Variants in MAGI2 observed in about 807,000 individuals in gnomAD.
MAGI2 encodes membrane associated guanylate kinase, WW and PDZ domain containing 2.
MAGI2 carries 35 observed loss-of-function variants against 133.3 expected under a neutral mutation model. The ratio of observed to expected loss-of-function variants is 0.26; its 90% CI spans 0.20 to 0.35. MAGI2 has a LOEUF of 0.35. Among genes scored for constraint, MAGI2 ranks in the 10% least tolerant of loss-of-function variants. The probability of loss-of-function intolerance (pLI) is 1.00; values close to 1 mark genes in which losing one functional copy is unlikely to be tolerated. For missense variants in MAGI2, 1,636 were observed against 1,863.4 expected (o/e 0.88, Z 2.25); for synonymous variants, 729 against 710.6 (o/e 1.03, Z -0.41).
chr7:79,433,647 T>C (rs191562195), intron 1 of MAGI2, among the ~76,000 whole-genome samples: 20 of 152,266 alleles, frequency 1.3e-4, no homozygotes, highest in Middle Eastern at 6.8e-3. Flanking sequence ...TAGAACATAG[T>C]AAATGATCAA....
intron 15 of MAGI2, among the ~76,000 whole-genome samples, chr7:78,165,017 T>C (rs529644561): frequency 6.6e-6 from 1 of 152,340 alleles, no homozygotes; most frequent in South Asian, 2.1e-4. Flanking sequence ...GGTGAAAGTG[T>C]GTGCTATGAC....
In MAGI2 at chr7:78,195,012, G is replaced by T. The variant is rs144078604; in HGVS notation, c.2131C>A (p.Pro711Thr). The T allele has an allele frequency of 5.3e-4, 860 of 1,613,798 alleles. 1 individual carries two copies. The highest frequency in any genetic ancestry group is 6.9e-4 in the Non-Finnish European group (812 of 1,179,860). The change falls in exon 12 of 22, where the codon CCG becomes ACG. Residue 711 changes from proline (P) to threonine (T), a missense_variant. By Grantham distance (38) the Pro-to-Thr change is conservative. Coordinates refer to ENST00000354212, the MANE Select transcript of MAGI2 (RefSeq NM_012301.4). ...QGSPQTSLSA[P>T]AIPQNLPFPP... ...AAGGGCAGGTTCTGCGGTATGGCCGGAGCAGATAAACTCGTTTGAGGACTG... is the reference window on the plus strand; with the variant it reads ...AAGGGCAGGTTCTGCGGTATGGCCGTAGCAGATAAACTCGTTTGAGGACTG...
chr7:78,913,601 G>T (rs1302441849), intron 2 of MAGI2, among the ~76,000 whole-genome samples: 1 of 152,116 alleles, frequency 6.6e-6, no homozygotes, highest in Non-Finnish European at 1.5e-5. Flanking sequence ...TAGAGCATCA[G>T]TTCCTTTCCT....
chr7:78,641,498 G>A (rs573677461), intron 2 of MAGI2, among the ~76,000 whole-genome samples: 5 of 152,264 alleles, frequency 3.3e-5, no homozygotes, highest in African/African-American at 9.6e-5. Flanking sequence ...GATTTAACCC[G>A]TAAGAAGTCG....
intron 9 of MAGI2, among the ~76,000 whole-genome samples, chr7:78,281,775 TC>T (rs1360449427): frequency 1.4e-5 from 2 of 144,954 alleles, no homozygotes; most frequent in African/African-American, 4.9e-5. Context: ...CCAACTTATC[TC>T]CATCAAGAGT....
intron 1 of MAGI2, among the ~76,000 whole-genome samples, chr7:79,351,496 A>T (rs1227481485): frequency 6.6e-6 from 1 of 152,178 alleles, no homozygotes; most frequent in East Asian, 1.9e-4. Context: ...TTATGCATGC[A>T]GGAGAAAAGT....
intron 10 of MAGI2, among the ~76,000 whole-genome samples, chr7:78,228,518 C>A (rs990725300): frequency 2.0e-5 from 3 of 152,190 alleles, no homozygotes; most frequent in African/African-American, 7.2e-5. Flanking sequence ...CTTAGAGACC[C>A]ATTTTACAAG....
intron 6 of MAGI2, among the ~76,000 whole-genome samples, chr7:78,421,499 A>G (rs1798792957): frequency 6.6e-6 from 1 of 152,176 alleles, no homozygotes; most frequent in Non-Finnish European, 1.5e-5. Context: ...CGTCACATAT[A>G]AAAAAATAAC....
At chr7:79,256,628 T>G (rs1382226432) in intron 1 of MAGI2, among the ~76,000 whole-genome samples, 2 of 151,628 alleles carry the variant, frequency 1.3e-5, no homozygotes, top group African/African-American at 4.8e-5. Context: ...GTAGCTGGGA[T>G]TACAGGTGTG....
At chr7:78,563,041 C>T (rs1800579503) in intron 3 of MAGI2, among the ~76,000 whole-genome samples, 2 of 150,592 alleles carry the variant, frequency 1.3e-5, no homozygotes, top group African/African-American at 2.4e-5. Flanking sequence ...AATTTCTTGC[C>T]AGAAAGTTCG....
chr7:78,403,885 G>A (rs913771434), intron 6 of MAGI2, among the ~76,000 whole-genome samples: 12 of 152,184 alleles, frequency 7.9e-5, no homozygotes, highest in Non-Finnish European at 5.9e-5. Flanking sequence ...GTCCCTGTTT[G>A]CAGATGACAT....
chr7:79,058,004 G>C (rs551166046), intron 1 of MAGI2, among the ~76,000 whole-genome samples: 1 of 150,476 alleles, frequency 6.6e-6, no homozygotes, highest in Non-Finnish European at 1.5e-5. Context: ...AATATAAACA[G>C]GAGGGAAAAG....
chr7:78,282,267 C>T (rs945177764), intron 9 of MAGI2, among the ~76,000 whole-genome samples: 12 of 152,084 alleles, frequency 7.9e-5, no homozygotes, highest in Admixed American at 2.6e-4. Flanking sequence ...TTCTACCACT[C>T]GGAGTCCCTA....
chr7:78,132,942 G>A lies in MAGI2; in HGVS notation c.3150C>T (p.Pro1050=). 6.2e-7 allele frequency: 1 copy of A among 1,613,942 alleles called. No homozygotes were observed. Among genetic ancestry groups the A allele is most frequent in the Non-Finnish European group, 8.5e-7 (1 of 1,179,932 alleles). ...AQPSPATPNS[P]IAQPAPPQPL... ...GTTGAGGTGGTGCTGGCTGGGCGAT[G>A]GGGCTGTTGGGGGTGGCTGGGCTTG... Residue 1050 remains proline (P), a synonymous_variant, in exon 18 of 22, where the codon CCC becomes CCT. Coordinates refer to ENST00000354212, the MANE Select transcript of MAGI2 (RefSeq NM_012301.4).
intron 2 of MAGI2, among the ~76,000 whole-genome samples, chr7:78,868,902 C>T (rs545342347): frequency 3.3e-5 from 5 of 152,148 alleles, no homozygotes; most frequent in Admixed American, 6.5e-5. Flanking sequence ...TACAGGAGCC[C>T]GCCACAATGC....
intron 21 of MAGI2, among the ~76,000 whole-genome samples, chr7:78,021,570 G>C (rs1488561858): frequency 6.6e-6 from 1 of 152,182 alleles, no homozygotes; most frequent in South Asian, 2.1e-4. Context: ...AGAGGAAAAG[G>C]GCAGTGGCAA....
At chr7:78,899,492 G>T (rs1316753183) in intron 2 of MAGI2, among the ~76,000 whole-genome samples, 1 of 152,140 alleles carries the variant, frequency 6.6e-6, no homozygotes, top group Non-Finnish European at 1.5e-5. Context: ...TTGGCTATCT[G>T]CCAGCTAAGT....
intron 20 of MAGI2, among the ~76,000 whole-genome samples, chr7:78,086,872 T>C (rs2107658): frequency 0.61 from 92,992 of 151,784 alleles, 28,606 homozygotes; most frequent in East Asian, 0.73. Context: ...TGAGCTCAAG[T>C]GATCCACCCA....
intron 21 of MAGI2, among the ~76,000 whole-genome samples, chr7:78,056,325 C>A (rs1016098584): frequency 1.1e-4 from 16 of 152,052 alleles, no homozygotes; most frequent in Non-Finnish European, 2.2e-4. Context: ...TGGGTATATA[C>A]CCAAAGGAAT....
Sources: allele counts gnomAD v4.1 joint callset (sites outside exome capture counted in the v4.1 genomes callset), GRCh38; gene constraint gnomAD v4.1.1; transcripts MANE v1.5; gene names NCBI Gene and HGNC (gene_info 2026-07-23, HGNC 2026-07-21).